The following RXFP1 variants were observed in gnomAD, a reference collection of about 807,000 sequenced individuals.
RXFP1 encodes relaxin family peptide receptor 1.
Under a neutral mutation model 89.8 loss-of-function variants are expected in RXFP1, and 73 were observed. The observed-to-expected ratio is 0.81, with a 90% confidence interval of 0.67 to 0.99. RXFP1 has a LOEUF of 0.99. RXFP1 is among the 50% of genes least tolerant of loss of function. The pLI, the probability that RXFP1 is intolerant of heterozygous loss-of-function variation, is 0.00. For synonymous variants in RXFP1, 277 were observed against 305.5 expected, an observed-to-expected ratio of 0.91 and a Z score of 0.97; for missense variants, 793 against 895.5, an observed-to-expected ratio of 0.89 and a Z score of 1.46.
At chr4:158,575,949 G>T (rs1561048315) in intron 2 of RXFP1, among the ~76,000 whole-genome samples, 1 of 152,158 alleles carries the variant, frequency 6.6e-6, no homozygotes. Flanking sequence ...CAGCTAGGCA[G>T]TTCTGGTCTC....
In RXFP1 at chr4:158,633,401, C is replaced by A; in HGVS notation, c.900-4C>A. The A allele has an allele frequency of 6.4e-7, 1 of 1,552,784 alleles. No homozygotes were observed. The highest frequency in any genetic ancestry group is 1.1e-5 in the South Asian group (1 of 87,880). On this transcript the variant is annotated splice_polypyrimidine_tract_variant and splice_region_variant and intron_variant, in intron 11 of 17. Transcript: ENST00000307765. ...ATATCACATATTTGCAATTATTTCT[C>A]CAGGGATTTAGGAAGTAATAAGATT...
At chr4:158,562,523 C>CAAAAA (rs55944906) in intron 1 of RXFP1, among the ~76,000 whole-genome samples, 481 of 25,334 alleles carry the variant, frequency 0.019, 164 homozygotes, top group Admixed American at 0.043. Context: ...GACTCCGTCT[C>CAAAAA]AAAAAAAAAA....
At chr4:158,619,037 T>C (rs1430130863) in intron 9 of RXFP1, among the ~76,000 whole-genome samples, 1 of 152,008 alleles carries the variant, frequency 6.6e-6, no homozygotes, top group Non-Finnish European at 1.5e-5. Context: ...GAATACATAA[T>C]AGTGCAAAGT....
At position 158,652,079 on chromosome 4, in the gene RXFP1, G is replaced by C. The variant is rs767571927; in HGVS notation, c.*24G>C. On this transcript the variant is annotated 3_prime_UTR_variant, in exon 18 of 18. Coordinates refer to ENST00000307765, the MANE Select transcript of RXFP1 (RefSeq NM_021634.4). ...GACTGACTCTGAAATTCATTTCTTC[G>C]CAGAGAATACTGTGGGGGTGCTTCA... 1 of 1,582,686 alleles carries C rather than the reference G, an allele frequency of 6.3e-7. No individual in the cohort carries two copies.
intron 5 of RXFP1, among the ~76,000 whole-genome samples, chr4:158,605,804 C>T (rs1273453678): frequency 6.6e-6 from 1 of 152,102 alleles, no homozygotes; most frequent in Non-Finnish European, 1.5e-5. Context: ...ATAGTCTGTA[C>T]CTAAATCACA....
chr4:158,546,378 T>G (rs933561183), intron 1 of RXFP1, among the ~76,000 whole-genome samples: 20 of 152,104 alleles, frequency 1.3e-4, no homozygotes, highest in African/African-American at 4.6e-4. Flanking sequence ...TCTAGGTATA[T>G]AATCATGTCA....
At chr4:158,563,754 C>A (rs1285991774) in intron 1 of RXFP1, among the ~76,000 whole-genome samples, 1 of 151,358 alleles carries the variant, frequency 6.6e-6, no homozygotes, top group Non-Finnish European at 1.5e-5. Context: ...TGGAACAGAC[C>A]CTGTATATGA....
intron 1 of RXFP1, among the ~76,000 whole-genome samples, chr4:158,547,474 T>G (rs950925283): frequency 9.9e-5 from 15 of 152,226 alleles, no homozygotes; most frequent in Admixed American, 5.9e-4. Flanking sequence ...ACTTTAGTTA[T>G]TTCTTGCTTC....
chr4:158,622,314 TA>T (rs531274592), intron 9 of RXFP1, among the ~76,000 whole-genome samples: 100 of 145,976 alleles, frequency 6.9e-4, no homozygotes, highest in Admixed American at 8.9e-4. Context: ...CCATCTCAAA[TA>T]AAAAAAAAAA....
intron 1 of RXFP1, among the ~76,000 whole-genome samples, chr4:158,557,806 G>A (rs1427052138): frequency 1.3e-5 from 2 of 152,186 alleles, no homozygotes; most frequent in African/African-American, 2.4e-5. Flanking sequence ...AGAGCCAAAT[G>A]CCTCATCATT....
intron 3 of RXFP1, among the ~76,000 whole-genome samples, chr4:158,594,680 G>A (rs1760192481): frequency 6.6e-6 from 1 of 152,056 alleles, no homozygotes; most frequent in South Asian, 2.1e-4. Context: ...TATGGTTACA[G>A]TAAAACCCAG....
intron 1 of RXFP1, among the ~76,000 whole-genome samples, chr4:158,527,769 T>C (rs955565153): frequency 2.0e-5 from 3 of 151,926 alleles, no homozygotes; most frequent in African/African-American, 4.8e-5. Flanking sequence ...TCAGACTTTT[T>C]TGAGTTGGAA....
Position 158,647,206 on chromosome 4 carries a change from G to A in RXFP1, c.1756+5G>A. 1 of 1,543,748 alleles carries A rather than the reference G, an allele frequency of 6.5e-7. No individual in the cohort carries two copies. The highest frequency in any genetic ancestry group is 1.3e-5 in the South Asian group (1 of 79,270). ...ATTCAGTGGCAATTTTTCTTGGTAA[G>A]AAACTAAGAAACTAATGTTCACAAA... On this transcript the variant is annotated splice_donor_5th_base_variant and intron_variant, in intron 16 of 17. Transcript: ENST00000307765.
intron 1 of RXFP1, among the ~76,000 whole-genome samples, chr4:158,561,569 TTA>T (rs771146638): frequency 3.3e-5 from 5 of 152,110 alleles, no homozygotes; most frequent in Non-Finnish European, 5.9e-5. Flanking sequence ...TCTAAAACTC[TTA>T]TGTTTCCAAG....
At chr4:158,570,629 CA>C (rs780215885) in intron 1 of RXFP1, among the ~76,000 whole-genome samples, 5 of 152,096 alleles carry the variant, frequency 3.3e-5, no homozygotes, top group Non-Finnish European at 7.4e-5. Context: ...TGGAGCACTG[CA>C]AAGTTTCCTA....
At chr4:158,582,468 C>G (rs1411730495) in intron 2 of RXFP1, among the ~76,000 whole-genome samples, 1 of 152,112 alleles carries the variant, frequency 6.6e-6, no homozygotes, top group Non-Finnish European at 1.5e-5. Context: ...CCATCTGGTC[C>G]TCTGCCGTAA....
At chr4:158,629,976 A>G (rs935199583) in intron 11 of RXFP1, among the ~76,000 whole-genome samples, 1 of 152,148 alleles carries the variant, frequency 6.6e-6, no homozygotes, top group Non-Finnish European at 1.5e-5. Flanking sequence ...ACTTGTTTTG[A>G]CAATTAGCTA....
At chr4:158,633,501 C>T (rs545080178) in intron 12 of RXFP1, 25 bp downstream of exon 12, 1 of 1,414,848 alleles carries the variant, frequency 7.1e-7, no homozygotes, top group African/African-American at 1.4e-5. Context: ...AATTTTGCCA[C>T]CTCGTTTCTT....
At chr4:158,648,436 ATGTT>A in intron 16 of RXFP1, 59 bp from the exon 17 acceptor site, 1 of 970,456 alleles carries the variant, frequency 1.0e-6, no homozygotes, top group Non-Finnish European at 1.5e-6. Context: ...TGTTTTATTT[ATGTT>A]TGTTCATTTT....
Sources: gnomAD v4.1 joint callset for allele counts (sites outside exome capture counted in the v4.1 genomes callset) on GRCh38, gnomAD v4.1.1 for gene constraint, MANE v1.5 for transcripts, NCBI Gene and HGNC (gene_info 2026-07-23, HGNC 2026-07-21) for gene names.